The following RIMBP2 variants were observed in gnomAD, a reference collection of about 807,000 sequenced individuals.
The protein encoded by RIMBP2 is RIMS-binding protein 2.
In RIMBP2, 48 loss-of-function variants were observed where a neutral mutation model predicts 118.6. The ratio of observed to expected loss-of-function variants is 0.40; its 90% CI spans 0.32 to 0.51. The LOEUF (loss-of-function observed/expected upper bound fraction) is 0.51, where lower values mean the gene tolerates loss of function less well. Among genes scored for constraint, RIMBP2 ranks in the 20% least tolerant of loss-of-function variants. The probability of loss-of-function intolerance (pLI) is 0.41; values close to 1 mark genes in which losing one functional copy is unlikely to be tolerated. For synonymous variants in RIMBP2, 762 were observed against 742.9 expected, an observed-to-expected ratio of 1.03 and a Z score of -0.42; for missense variants, 1,551 against 1,768.3, an observed-to-expected ratio of 0.88 and a Z score of 2.20.
intron 19 of RIMBP2, among the ~76,000 whole-genome samples, chr12:130,411,963 A>G (rs555026720): frequency 6.6e-6 from 1 of 152,238 alleles, no homozygotes; most frequent in Non-Finnish European, 1.5e-5. Context: ...ATGATATAAA[A>G]CTGATATCTC....
chr12:130,589,838 G>A (rs78475041), intron 2 of RIMBP2, among the ~76,000 whole-genome samples: 6,444 of 152,208 alleles, frequency 0.042, 196 homozygotes, highest in Non-Finnish European at 0.069. Context: ...CTTGAAGCCA[G>A]GCTTTGCAAA....
intron 2 of RIMBP2, among the ~76,000 whole-genome samples, chr12:130,570,786 A>G (rs1167018489): frequency 6.6e-6 from 1 of 152,236 alleles, no homozygotes; most frequent in East Asian, 1.9e-4. Flanking sequence ...CTTCTTATGC[A>G]CTTTCATGAA....
intron 19 of RIMBP2, among the ~76,000 whole-genome samples, chr12:130,410,172 C>A (rs1043244496): frequency 1.3e-5 from 2 of 152,190 alleles, no homozygotes; most frequent in Non-Finnish European, 2.9e-5. Flanking sequence ...TTATTTGCCA[C>A]CCACATATCG....
Position 130,578,609 on chromosome 12 carries a change from G to T in RIMBP2, c.-217+49713C>A, listed in dbSNP as rs1310562434. On this transcript the variant is annotated intron_variant, in intron 2 of 22. Coordinates refer to ENST00000690449, the MANE Select transcript of RIMBP2 (RefSeq NM_001393629.1). The surrounding 1 kb of genome is among the most constrained non-coding windows in gnomAD (Gnocchi z 4.1). The stretch of plus-strand genomic sequence containing the variant: ...ACTGTGGGCCCCTCTGCCTGAACAG[G>T]CTTCCCTTGGATCTTCACGTTAGCT... Among the ~76,000 whole-genome samples the T allele has an allele frequency of 2.6e-5, 4 of 152,176 alleles. No homozygotes were observed. The highest frequency in any genetic ancestry group is 2.0e-4 in the Admixed American group (3 of 15,282).
In RIMBP2 at chr12:130,442,674, G is replaced by T. The variant is rs369914382; in HGVS notation, c.692-14C>A. 7.5e-6 allele frequency: 12 copies of T among 1,607,108 alleles called. No individual in the cohort carries two copies. The highest frequency in any genetic ancestry group is 9.4e-6 in the Non-Finnish European group (11 of 1,175,868). ...CGAGGAGCTCTCCTGTTGGGTACAA[G>T]GACAGAGTTATCACCCAGCCAACAC... is the stretch of plus-strand genomic sequence containing the variant. On this transcript the variant is annotated splice_polypyrimidine_tract_variant and intron_variant, in intron 10 of 22. Transcript: ENST00000690449. The surrounding 1 kb of genome is among the most constrained non-coding windows in gnomAD (Gnocchi z 6.9).
intron 2 of RIMBP2, among the ~76,000 whole-genome samples, chr12:130,573,306 G>A (rs1205564782): frequency 6.6e-6 from 1 of 151,822 alleles, no homozygotes; most frequent in Non-Finnish European, 1.5e-5. Context: ...AAAAATAACT[G>A]TTGGATTGCA....
intron 7 of RIMBP2, among the ~76,000 whole-genome samples, chr12:130,455,747 G>A (rs796235163): frequency 3.3e-5 from 5 of 152,084 alleles, no homozygotes; most frequent in African/African-American, 1.2e-4. Flanking sequence ...AGGTTCAGAC[G>A]CTCATCTCCC....
chr12:130,433,169 A>G (rs1239014809), intron 14 of RIMBP2, among the ~76,000 whole-genome samples: 2 of 152,316 alleles, frequency 1.3e-5, no homozygotes, highest in East Asian at 3.9e-4. Flanking sequence ...TTTTCTGATA[A>G]GCGACTGTAG....
chr12:130,577,849 T>A (rs1218568106), intron 2 of RIMBP2, among the ~76,000 whole-genome samples: 1 of 152,172 alleles, frequency 6.6e-6, no homozygotes, highest in Non-Finnish European at 1.5e-5. Flanking sequence ...GTGAAACATC[T>A]CTTTAAACAA....
At chr12:130,489,093 C>T (rs564422902) in intron 4 of RIMBP2, among the ~76,000 whole-genome samples, 49 of 152,264 alleles carry the variant, frequency 3.2e-4, no homozygotes, top group Non-Finnish European at 6.3e-4. Context: ...TAGCTAAGAG[C>T]CCACGTGAAT....
chr12:130,707,188 G>A (rs189728629), intron 1 of RIMBP2, among the ~76,000 whole-genome samples: 83 of 152,180 alleles, frequency 5.5e-4, no homozygotes, highest in African/African-American at 1.9e-3. Flanking sequence ...AGAACAACCC[G>A]GAAAGACGCA....
intron 2 of RIMBP2, among the ~76,000 whole-genome samples, chr12:130,619,379 TC>T (rs1369611612): frequency 6.6e-6 from 1 of 152,192 alleles, no homozygotes; most frequent in Non-Finnish European, 1.5e-5. Flanking sequence ...CCTCACCTCT[TC>T]CAGGACTGAA....
intron 6 of RIMBP2, among the ~76,000 whole-genome samples, chr12:130,462,950 G>C (rs2080136080): frequency 6.6e-6 from 1 of 152,236 alleles, no homozygotes; most frequent in Admixed American, 6.5e-5. Context: ...GAGAACCTAA[G>C]AGTCCTGCCC....
intron 11 of RIMBP2, among the ~76,000 whole-genome samples, chr12:130,441,194 A>G (rs2078092384): frequency 6.6e-6 from 1 of 152,014 alleles, no homozygotes; most frequent in African/African-American, 2.4e-5. Context: ...CGAGGTCAAG[A>G]GTTTGAGACG....
chr12:130,485,840 G>A (rs1393867959), intron 4 of RIMBP2, among the ~76,000 whole-genome samples: 1 of 152,194 alleles, frequency 6.6e-6, no homozygotes, highest in Non-Finnish European at 1.5e-5. Context: ...TTATAGATCA[G>A]ATGGATGGAA....
intron 2 of RIMBP2, among the ~76,000 whole-genome samples, chr12:130,579,256 T>A (rs539471030): frequency 9.2e-5 from 14 of 152,138 alleles, no homozygotes; most frequent in Non-Finnish European, 1.9e-4. Flanking sequence ...GGCTGGCCTT[T>A]TCTAGAAACA....
chr12:130,660,835 C>CA (rs2063627809), intron 1 of RIMBP2, among the ~76,000 whole-genome samples: 1 of 104,362 alleles, frequency 9.6e-6, no homozygotes, highest in Non-Finnish European at 2.4e-5. Context: ...TCACAGCTGG[C>CA]GTGTCACGCA....
intron 2 of RIMBP2, among the ~76,000 whole-genome samples, chr12:130,624,175 T>G (rs2061487204): frequency 6.6e-6 from 1 of 152,224 alleles, no homozygotes; most frequent in South Asian, 2.1e-4. Flanking sequence ...TAGGAAATGT[T>G]CTGGAAATGG....
At chr12:130,515,416 G>A (rs1307073955) in intron 3 of RIMBP2, among the ~76,000 whole-genome samples, 1 of 152,024 alleles carries the variant, frequency 6.6e-6, no homozygotes, top group Non-Finnish European at 1.5e-5. Context: ...TCTACTGTTT[G>A]TCTCTATGGC....
Sources: allele counts gnomAD v4.1 joint callset (sites outside exome capture counted in the v4.1 genomes callset), GRCh38; gene constraint gnomAD v4.1.1; non-coding constraint Gnocchi (gnomAD v3.1); transcripts MANE v1.5; gene names NCBI Gene and HGNC (gene_info 2026-07-23, HGNC 2026-07-21).